KCNJ3: variants seen among roughly 807,000 people sequenced by gnomAD.
KCNJ3 encodes G protein-activated inward rectifier potassium channel 1.
In KCNJ3, 4 loss-of-function variants were observed where a neutral mutation model predicts 39.2. The ratio of observed to expected loss-of-function variants is 0.10; its 90% CI spans 0.05 to 0.23. The LOEUF is 0.23. Among genes scored for constraint, KCNJ3 ranks in the 10% least tolerant of loss-of-function variants. KCNJ3 has a pLI of 1.00. For synonymous variants in KCNJ3, 230 were observed against 237.4 expected, an observed-to-expected ratio of 0.97 and a Z score of 0.29; for missense variants, 276 against 634.9, an observed-to-expected ratio of 0.43 and a Z score of 6.08.
chr2:154,810,718 TA>T (rs1459849446), intron 2 of KCNJ3, among the ~76,000 whole-genome samples: 11 of 152,190 alleles, frequency 7.2e-5, no homozygotes, highest in Non-Finnish European at 1.5e-4. Context: ...AATTAAAAAA[TA>T]AAAATGAAAC....
intron 2 of KCNJ3, among the ~76,000 whole-genome samples, chr2:154,835,648 G>A (rs928878476): frequency 3.3e-5 from 5 of 151,708 alleles, no homozygotes; most frequent in South Asian, 4.2e-4. Flanking sequence ...CAAAGAGCTC[G>A]ATTTCCAAAA....
At chr2:154,803,221 C>T (rs1029157765) in intron 2 of KCNJ3, among the ~76,000 whole-genome samples, 3 of 151,736 alleles carry the variant, frequency 2.0e-5, no homozygotes, top group East Asian at 1.9e-4. Context: ...GAATGTAATA[C>T]TCAAGAAGCC....
chr2:154,750,886 G>A (rs1039428645), intron 2 of KCNJ3, among the ~76,000 whole-genome samples: 2 of 151,984 alleles, frequency 1.3e-5, no homozygotes, highest in Non-Finnish European at 1.5e-5. Context: ...CTTGGTGGTA[G>A]ATAATTATTT....
intron 2 of KCNJ3, among the ~76,000 whole-genome samples, chr2:154,804,017 G>T (rs1183779881): frequency 1.3e-5 from 2 of 151,850 alleles, no homozygotes; most frequent in South Asian, 4.1e-4. Context: ...TTTTAAAAAG[G>T]TTTTATATTT....
intron 2 of KCNJ3, among the ~76,000 whole-genome samples, chr2:154,728,454 A>G (rs752172232): frequency 6.6e-6 from 1 of 152,188 alleles, no homozygotes; most frequent in Non-Finnish European, 1.5e-5. Context: ...ATATTCTCAA[A>G]GTTTTGTGAA....
intron 2 of KCNJ3, among the ~76,000 whole-genome samples, chr2:154,797,663 A>G (rs1558876641): frequency 6.6e-6 from 1 of 152,106 alleles, no homozygotes; most frequent in Non-Finnish European, 1.5e-5. Flanking sequence ...TTCATATAAA[A>G]TCACATATGT....
Position 154,749,547 on chromosome 2 carries a change from G to A in KCNJ3, c.919+39728G>A, listed in dbSNP as rs115897467. 9.3e-3 allele frequency among the ~76,000 whole-genome samples: 1,411 copies of A among 152,066 alleles called. 17 individuals carry two copies. Among genetic ancestry groups the A allele is most frequent in the African/African-American group, 0.032 (1,329 of 41,488 alleles). On this transcript the variant is annotated intron_variant, in intron 2 of 2. Coordinates refer to ENST00000295101, the MANE Select transcript of KCNJ3 (RefSeq NM_002239.4). ...AAATTTTGAACTCTGTGAATATGTA[G>A]CCCATGTCAGAGGGCTGTACTGCAA...
chr2:154,739,265 A>G (rs911761166), intron 2 of KCNJ3, among the ~76,000 whole-genome samples: 1 of 152,062 alleles, frequency 6.6e-6, no homozygotes, highest in African/African-American at 2.4e-5. Context: ...TACGATAACC[A>G]CTGTACCAGC....
intron 2 of KCNJ3, among the ~76,000 whole-genome samples, chr2:154,740,706 G>A (rs546535272): frequency 4.0e-5 from 6 of 151,806 alleles, no homozygotes; most frequent in African/African-American, 1.4e-4. Context: ...TATATTTTTT[G>A]GTGAAAGTTT....
intron 2 of KCNJ3, among the ~76,000 whole-genome samples, chr2:154,783,868 A>G (rs540467453): frequency 6.6e-6 from 1 of 152,342 alleles, no homozygotes; most frequent in Admixed American, 6.5e-5. Context: ...CAACCTTAGA[A>G]TAAATTTGGA....
intron 2 of KCNJ3, among the ~76,000 whole-genome samples, chr2:154,803,550 C>T (rs1011762322): frequency 7.2e-5 from 11 of 151,732 alleles, no homozygotes; most frequent in African/African-American, 2.7e-4. Flanking sequence ...CACACTCTTT[C>T]CTACACAGAG....
chr2:154,728,047 G>T (rs1685389768), intron 2 of KCNJ3, among the ~76,000 whole-genome samples: 1 of 151,684 alleles, frequency 6.6e-6, no homozygotes, highest in African/African-American at 2.4e-5. Flanking sequence ...TTTGATTAAT[G>T]AAAATAACTT....
At chr2:154,838,553 T>C (rs1024500401) in intron 2 of KCNJ3, among the ~76,000 whole-genome samples, 2 of 152,198 alleles carry the variant, frequency 1.3e-5, no homozygotes, top group African/African-American at 4.8e-5. Flanking sequence ...ATGTTTTTAC[T>C]GTGTGTGTGG....
chr2:154,785,086 A>G (rs566737355), intron 2 of KCNJ3, among the ~76,000 whole-genome samples: 1 of 152,212 alleles, frequency 6.6e-6, no homozygotes, highest in East Asian at 1.9e-4. Flanking sequence ...CATGAGTGAA[A>G]TATTACTCCA....
intron 2 of KCNJ3, among the ~76,000 whole-genome samples, chr2:154,747,542 G>A (rs1209043432): frequency 6.6e-6 from 1 of 151,956 alleles, no homozygotes; most frequent in African/African-American, 2.4e-5. Flanking sequence ...GTAGGCAGGG[G>A]TGGGGAATAG....
intron 2 of KCNJ3, among the ~76,000 whole-genome samples, chr2:154,782,193 C>A (rs148358905): frequency 6.6e-6 from 1 of 152,176 alleles, no homozygotes; most frequent in African/African-American, 2.4e-5. Context: ...AATCAGGGAG[C>A]CAGAATACCT....
chr2:154,707,946 T>C (rs753761996), intron 1 of KCNJ3, among the ~76,000 whole-genome samples: 1 of 152,140 alleles, frequency 6.6e-6, no homozygotes, highest in Non-Finnish European at 1.5e-5. Context: ...TGAGAATAGA[T>C]TTAGAAATAC....
chr2:154,754,817 A>G (rs1685910022), intron 2 of KCNJ3, among the ~76,000 whole-genome samples: 1 of 152,140 alleles, frequency 6.6e-6, no homozygotes, highest in Non-Finnish European at 1.5e-5. Flanking sequence ...TAAGATTGAT[A>G]TTATTTCTGC....
rs1687818911 is a variant in KCNJ3, at chr2:154,855,356, T to C, written c.*43T>C. 3.8e-6 allele frequency: 5 copies of C among 1,310,884 alleles called. No homozygotes were observed. In the African/African-American group the frequency reaches 4.5e-5, roughly 12 times the overall value. 81.2% of individuals were successfully genotyped at this position (1,310,884 alleles called of 1,614,324 possible). ...CATTATTTAATGTTTGATTTAGTAA[T>C]AGTCCAATATTTGGCGATGAGGTAA... is the stretch of plus-strand genomic sequence containing the variant. On this transcript the variant is annotated 3_prime_UTR_variant, in exon 3 of 3. Coordinates refer to ENST00000295101, the MANE Select transcript of KCNJ3 (RefSeq NM_002239.4).
Sources: gnomAD v4.1 joint callset for allele counts (sites outside exome capture counted in the v4.1 genomes callset) on GRCh38, gnomAD v4.1.1 for gene constraint, MANE v1.5 for transcripts, NCBI Gene and HGNC (gene_info 2026-07-23, HGNC 2026-07-21) for gene names.